AGBL1: variants seen among roughly 807,000 people sequenced by gnomAD.
The protein encoded by AGBL1 is cytosolic carboxypeptidase 4.
In AGBL1, 130 loss-of-function variants were observed where a neutral mutation model predicts 118.9. The ratio of observed to expected loss-of-function variants is 1.09; its 90% CI spans 0.95 to 1.26. The LOEUF is 1.26. AGBL1 is among the 50% of genes most tolerant of loss of function. The pLI is 0.00. For missense variants in AGBL1, 1,584 were observed against 1,298.1 expected (o/e 1.22, Z -3.38); for synonymous variants, 555 against 478.9 (o/e 1.16, Z -2.08).
At chr15:86,204,074 A>G (rs2077950510) in intron 5 of AGBL1, among the ~76,000 whole-genome samples, 1 of 152,182 alleles carries the variant, frequency 6.6e-6, no homozygotes, top group Non-Finnish European at 1.5e-5. Flanking sequence ...GACAATAGCC[A>G]AGATCTTTAT....
intron 19 of AGBL1, among the ~76,000 whole-genome samples, chr15:86,537,996 T>C (rs900341876): frequency 4.1e-4 from 63 of 152,218 alleles, no homozygotes; most frequent in African/African-American, 1.4e-3. Context: ...CGCTCTTTCA[T>C]TGTAACTGAA....
chr15:86,171,757 A>G (rs2077419014), intron 5 of AGBL1, among the ~76,000 whole-genome samples: 1 of 152,236 alleles, frequency 6.6e-6, no homozygotes, highest in South Asian at 2.1e-4. Flanking sequence ...TATAAGAACC[A>G]CAATTCACAA....
intron 22 of AGBL1, among the ~76,000 whole-genome samples, chr15:86,716,704 A>G (rs1322499979): frequency 6.6e-6 from 1 of 152,228 alleles, no homozygotes; most frequent in East Asian, 1.9e-4. Context: ...CATAACATAG[A>G]TGTCAACTAT....
chr15:86,295,339 A>C lies in AGBL1; in HGVS notation c.2305A>C (p.Asn769His). ...QDVLCQTLGG[N>H]PCPLVTITAM... The stretch of plus-strand genomic sequence containing the variant: ...TGTTCTCTGCCAGACGCTGGGAGGG[A>C]ATCCGTGTCCCTTGGTGACCATCAC... Residue 769 changes from asparagine to histidine, a missense_variant, in exon 17 of 23, where the codon AAT (asparagine) becomes CAT (histidine). By Grantham distance (68) the Asn-to-His change is moderately conservative. Coordinates refer to ENST00000614907, the MANE Select transcript of AGBL1 (RefSeq NM_001386094.1). 2.5e-6 allele frequency: 4 copies of C among 1,613,268 alleles called. No homozygotes were observed. The highest frequency in any genetic ancestry group is 3.4e-6 in the Non-Finnish European group (4 of 1,179,524).
intron 22 of AGBL1, among the ~76,000 whole-genome samples, chr15:86,831,168 C>T (rs567016897): frequency 6.6e-6 from 1 of 152,126 alleles, no homozygotes; most frequent in South Asian, 2.1e-4. Context: ...ATTACCTCCC[C>T]CTGGGTTCCT....
chr15:87,026,239 T>C (rs77547823), intron 24 of AGBL1, among the ~76,000 whole-genome samples: 4,358 of 151,738 alleles, frequency 0.029, 87 homozygotes, highest in Middle Eastern at 0.058. Context: ...GGGAAAAAAT[T>C]CTCACAATCT....
chr15:86,569,767 A>G (rs1567063053), intron 21 of AGBL1, among the ~76,000 whole-genome samples: 1 of 152,204 alleles, frequency 6.6e-6, no homozygotes, highest in African/African-American at 2.4e-5. Context: ...CTTTCCTGGG[A>G]TTAGAAAAGC....
chr15:86,842,550 G>T (rs536752618), intron 22 of AGBL1, among the ~76,000 whole-genome samples: 4 of 152,142 alleles, frequency 2.6e-5, no homozygotes, highest in Non-Finnish European at 5.9e-5. Context: ...ATTCCACAGG[G>T]TTCTCTGGAG....
chr15:87,003,168 T>C (rs536349795), intron 24 of AGBL1, among the ~76,000 whole-genome samples: 39 of 149,978 alleles, frequency 2.6e-4, no homozygotes, highest in Non-Finnish European at 4.7e-4. Flanking sequence ...ACCTAATTTA[T>C]TGAGAGTTTT....
At position 86,133,703 on chromosome 15, in the gene AGBL1, TTATA is replaced by T. The variant is rs1180236893; in HGVS notation, c.52-8298_52-8295del. The stretch of plus-strand genomic sequence containing the variant: ...GATCATTGATATCCTTGACAATTCA[TTATA>T]TAAGACTCAATGTGTGGTTGGGACA... On this transcript the variant is annotated intron_variant, in intron 1 of 22. Coordinates refer to ENST00000614907, the MANE Select transcript of AGBL1 (RefSeq NM_001386094.1). Among the ~76,000 whole-genome samples, 4 of 152,218 alleles carry T rather than the reference TTATA, an allele frequency of 2.6e-5. No homozygotes were observed. In the East Asian group the frequency reaches 7.7e-4, roughly 29 times the overall value.
chr15:86,372,820 G>T (rs2080988975), intron 17 of AGBL1, among the ~76,000 whole-genome samples: 1 of 152,344 alleles, frequency 6.6e-6, no homozygotes, highest in South Asian at 2.1e-4. Flanking sequence ...GGCCTATAGG[G>T]CTCTGAGCAG....
At chr15:86,607,776 G>A (rs1474152529) in intron 21 of AGBL1, among the ~76,000 whole-genome samples, 1 of 152,076 alleles carries the variant, frequency 6.6e-6, no homozygotes, top group African/African-American at 2.4e-5. Context: ...TTATTGTTGA[G>A]TTTTAAGATG....
rs894258833 is a variant in AGBL1, at chr15:86,567,325, A to G, written c.2994+12788A>G. 3.3e-5 allele frequency among the ~76,000 whole-genome samples: 5 copies of G among 152,302 alleles called. No homozygotes were observed. In the South Asian group the frequency reaches 6.2e-4, roughly 19 times the overall value. ...GCTTAGCTACATCAAAGTAATGTCTATATGTATCATTTAGACATTTCTTTT... is the reference window on the plus strand; with the variant it reads ...GCTTAGCTACATCAAAGTAATGTCTGTATGTATCATTTAGACATTTCTTTT... On this transcript the variant is annotated intron_variant, in intron 21 of 22. Transcript: ENST00000614907.
intron 22 of AGBL1, among the ~76,000 whole-genome samples, chr15:86,750,209 T>C (rs1466842110): frequency 6.6e-6 from 1 of 152,074 alleles, no homozygotes; most frequent in South Asian, 2.1e-4. Context: ...TTATTATTAA[T>C]ACCAAAAGGA....
intron 18 of AGBL1, among the ~76,000 whole-genome samples, chr15:86,481,391 A>G (rs955622463): frequency 1.3e-5 from 2 of 152,094 alleles, no homozygotes; most frequent in African/African-American, 4.8e-5. Context: ...TCCAGATCCC[A>G]TGCTCTTACT....
At chr15:86,095,806 G>A (rs1416248149) in intron 1 of AGBL1, among the ~76,000 whole-genome samples, 1 of 151,864 alleles carries the variant, frequency 6.6e-6, no homozygotes, top group Non-Finnish European at 1.5e-5. Flanking sequence ...CACTACATGT[G>A]ATTACTGATA....
At chr15:86,993,511 A>C (rs1421873817) in intron 24 of AGBL1, among the ~76,000 whole-genome samples, 1 of 152,096 alleles carries the variant, frequency 6.6e-6, no homozygotes, top group Non-Finnish European at 1.5e-5. Flanking sequence ...ACATGAGAGC[A>C]GTTATGGGTG....
At chr15:86,485,210 A>T (rs2082698347) in intron 18 of AGBL1, among the ~76,000 whole-genome samples, 3 of 152,168 alleles carry the variant, frequency 2.0e-5, no homozygotes, top group Non-Finnish European at 1.5e-5. Context: ...GAAATGCACA[A>T]TCTCAGGCCT....
At chr15:86,887,746 A>G (rs895538714) in intron 22 of AGBL1, among the ~76,000 whole-genome samples, 1 of 152,174 alleles carries the variant, frequency 6.6e-6, no homozygotes, top group African/African-American at 2.4e-5. Context: ...AATTAGGAAT[A>G]TGCACCTCAC....
Sources: allele counts gnomAD v4.1 joint callset (sites outside exome capture counted in the v4.1 genomes callset), GRCh38; gene constraint gnomAD v4.1.1; transcripts MANE v1.5; gene names NCBI Gene and HGNC (gene_info 2026-07-23, HGNC 2026-07-21).